Variants in FBXL17 observed in about 807,000 individuals in gnomAD.
FBXL17 encodes F-box/LRR-repeat protein 17.
In FBXL17, 22 loss-of-function variants were observed where a neutral mutation model predicts 66.2. The ratio of observed to expected loss-of-function variants is 0.33; its 90% CI spans 0.24 to 0.47. FBXL17 has a LOEUF of 0.47. Ranked by LOEUF, FBXL17 falls within the 20% of genes least tolerant of loss-of-function variation. The probability of loss-of-function intolerance (pLI) is 1.00; values close to 1 mark genes in which losing one functional copy is unlikely to be tolerated. For synonymous variants in FBXL17, 474 were observed against 400.5 expected, an observed-to-expected ratio of 1.18 and a Z score of -2.19; for missense variants, 878 against 948.2, an observed-to-expected ratio of 0.93 and a Z score of 0.97.
rs558156063 is a variant in FBXL17 at position 108,331,263 on chromosome 5, T to C, written c.1506+17136A>G. ...ACAACCAACCACATTTCCAAAGGAC[T>C]GCATTAGTATGAAGGCAGATATGAG... On this transcript the variant is annotated intron_variant, in intron 4 of 8. Coordinates refer to ENST00000542267, the MANE Select transcript of FBXL17 (RefSeq NM_001163315.3). Among the ~76,000 whole-genome samples, 3 of 152,318 alleles carry C rather than the reference T, an allele frequency of 2.0e-5. No individual in the cohort carries two copies. In the East Asian group the frequency reaches 5.8e-4, roughly 29 times the overall value.
In FBXL17 at chr5:108,002,182, A is replaced by ATTTTTTTTTTTTTTTTTTTTTTTTTTTT. The variant is rs765399250; in HGVS notation, c.1822+18742_1822+18743insAAAAAAAAAAAAAAAAAAAAAAAAAAAA. Among the ~76,000 whole-genome samples the ATTTTTTTTTTTTTTTTTTTTTTTTTTTT allele has an allele frequency of 3.7e-5, 4 of 109,496 alleles. 1 individual carries two copies. Among genetic ancestry groups the ATTTTTTTTTTTTTTTTTTTTTTTTTTTT allele is most frequent in the African/African-American group, 1.8e-4 (4 of 22,286 alleles). 71.8% of individuals were successfully genotyped at this position (109,496 alleles called of 152,430 possible). On this transcript the variant is annotated intron_variant, in intron 7 of 8. Transcript: ENST00000542267. ...TGGCACACACCACCACACCCAGCTA[A>ATTTTTTTTTTTTTTTTTTTTTTTTTTTT]TTTTTTTTTTTTTTTTTTTTTTAGT...
chr5:107,996,851 G>A (rs759986836), intron 7 of FBXL17, among the ~76,000 whole-genome samples: 1 of 152,166 alleles, frequency 6.6e-6, no homozygotes, highest in Non-Finnish European at 1.5e-5. Flanking sequence ...ATACCTTTAA[G>A]CAGATAGTAA....
intron 5 of FBXL17, among the ~76,000 whole-genome samples, chr5:108,202,956 T>C (rs1753958151): frequency 6.6e-6 from 1 of 152,022 alleles, no homozygotes; most frequent in Non-Finnish European, 1.5e-5. Flanking sequence ...CAACCTTTAA[T>C]GGGTCAGCAG....
At chr5:108,055,057 T>C (rs1747633196) in intron 6 of FBXL17, among the ~76,000 whole-genome samples, 1 of 152,144 alleles carries the variant, frequency 6.6e-6, no homozygotes, top group Non-Finnish European at 1.5e-5. Flanking sequence ...CATGTAATAA[T>C]GTCATTTGAA....
chr5:108,051,519 C>T (rs1436592345), intron 6 of FBXL17, among the ~76,000 whole-genome samples: 3 of 152,120 alleles, frequency 2.0e-5, no homozygotes, highest in African/African-American at 4.8e-5. Flanking sequence ...TGCTCAAAAA[C>T]GGCCTTTGAT....
intron 6 of FBXL17, among the ~76,000 whole-genome samples, chr5:108,168,526 C>T (rs891730402): frequency 6.6e-5 from 10 of 152,136 alleles, no homozygotes; most frequent in African/African-American, 9.7e-5. Flanking sequence ...CATATGTAGA[C>T]TTTCCATTAA....
At chr5:108,041,488 C>T (rs1313123473) in intron 6 of FBXL17, among the ~76,000 whole-genome samples, 3 of 152,180 alleles carry the variant, frequency 2.0e-5, no homozygotes, top group Non-Finnish European at 4.4e-5. Context: ...GCAATCATAG[C>T]TCACTGCAGC....
At chr5:108,137,257 T>C (rs1004753766) in intron 6 of FBXL17, among the ~76,000 whole-genome samples, 6 of 152,178 alleles carry the variant, frequency 3.9e-5, no homozygotes, top group Non-Finnish European at 8.8e-5. Context: ...TCTGACTCTA[T>C]GGAAATTGGT....
chr5:108,055,280 GAAAAAAAAAAAAAA>G (rs1000211060), intron 6 of FBXL17, among the ~76,000 whole-genome samples: 804 of 23,690 alleles, frequency 0.034, 44 homozygotes, highest in African/African-American at 0.11. Flanking sequence ...AGAATTTTTA[GAAAAAAAAAAAAAA>G]AAAAAAAAAA....
chr5:107,942,948 T>A (rs1751161121), intron 7 of FBXL17, among the ~76,000 whole-genome samples: 1 of 151,720 alleles, frequency 6.6e-6, no homozygotes, highest in Admixed American at 6.5e-5. Flanking sequence ...CCAAATACAA[T>A]GGACACTTTT....
At chr5:108,271,372 T>A (rs777240887) in intron 4 of FBXL17, among the ~76,000 whole-genome samples, 8 of 152,174 alleles carry the variant, frequency 5.3e-5, no homozygotes, top group Non-Finnish European at 1.0e-4. Context: ...TGCTACAAGC[T>A]AGAGGAGGCA....
At chr5:108,077,806 T>C (rs1023062746) in intron 6 of FBXL17, among the ~76,000 whole-genome samples, 2 of 152,232 alleles carry the variant, frequency 1.3e-5, no homozygotes, top group Non-Finnish European at 1.5e-5. Context: ...ATTAACATTT[T>C]CAAATTTTTC....
chr5:108,126,207 C>T (rs767446040), intron 6 of FBXL17, among the ~76,000 whole-genome samples: 5 of 151,662 alleles, frequency 3.3e-5, no homozygotes, highest in Admixed American at 6.6e-5. Flanking sequence ...CTAATTTGAT[C>T]AGTTTAAAAA....
chr5:108,079,493 TAG>T (rs1447097112), intron 6 of FBXL17, among the ~76,000 whole-genome samples: 1 of 152,158 alleles, frequency 6.6e-6, no homozygotes. Context: ...AGACACTGGG[TAG>T]AGTTTCAATA....
At chr5:108,129,409 T>G (rs542475135) in intron 6 of FBXL17, among the ~76,000 whole-genome samples, 1 of 152,142 alleles carries the variant, frequency 6.6e-6, no homozygotes, top group East Asian at 1.9e-4. Flanking sequence ...GTAGTCTGAT[T>G]TACACTCTTA....
intron 4 of FBXL17, among the ~76,000 whole-genome samples, chr5:108,237,384 T>A (rs977091865): frequency 6.6e-6 from 1 of 152,296 alleles, no homozygotes; most frequent in South Asian, 2.1e-4. Context: ...AATATTTTAA[T>A]CTGCAGCTTG....
At chr5:108,286,335 AAG>A (rs1757898847) in intron 4 of FBXL17, among the ~76,000 whole-genome samples, 1 of 151,930 alleles carries the variant, frequency 6.6e-6, no homozygotes, top group African/African-American at 2.4e-5. Flanking sequence ...CAAATAGAAA[AAG>A]ATGAAGTCAA....
chr5:108,151,597 G>C (rs1751774478), intron 6 of FBXL17, among the ~76,000 whole-genome samples: 1 of 152,142 alleles, frequency 6.6e-6, no homozygotes, highest in African/African-American at 2.4e-5. Context: ...ACACCCAAAA[G>C]AAACTTTACT....
At chr5:108,227,869 A>G (rs895415851) in intron 4 of FBXL17, among the ~76,000 whole-genome samples, 3 of 152,222 alleles carry the variant, frequency 2.0e-5, no homozygotes, top group Admixed American at 6.5e-5. Context: ...GGAAGCTTCA[A>G]TGAAACTCAA....
Sources: gnomAD v4.1 joint callset for allele counts (sites outside exome capture counted in the v4.1 genomes callset) on GRCh38, gnomAD v4.1.1 for gene constraint, MANE v1.5 for transcripts, NCBI Gene and HGNC (gene_info 2026-07-23, HGNC 2026-07-21) for gene names.